SUSD1: variants seen among roughly 807,000 people sequenced by gnomAD.
SUSD1 encodes the protein sushi domain-containing protein 1.
Under a neutral mutation model 86.9 loss-of-function variants are expected in SUSD1, and 65 were observed. That is an observed-to-expected ratio of 0.75 (90% CI 0.61 to 0.92). The LOEUF is 0.92. Ranked by LOEUF, SUSD1 falls within the 40% of genes least tolerant of loss-of-function variation. The pLI is 0.00. For missense variants in SUSD1, 850 were observed against 929.7 expected, an observed-to-expected ratio of 0.91 and a Z score of 1.11; for synonymous variants, 346 against 350.0, an observed-to-expected ratio of 0.99 and a Z score of 0.13.
At chr9:112,145,215 A>G (rs2131771067) in intron 3 of SUSD1, among the ~76,000 whole-genome samples, 1 of 152,150 alleles carries the variant, frequency 6.6e-6, no homozygotes, top group East Asian at 1.9e-4. Flanking sequence ...AGGAAGCAGC[A>G]TGATTGAAGA....
intron 1 of SUSD1, among the ~76,000 whole-genome samples, chr9:112,174,391 C>T (rs1013829444): frequency 6.6e-6 from 1 of 152,158 alleles, no homozygotes; most frequent in Non-Finnish European, 1.5e-5. Flanking sequence ...GGATGAATGT[C>T]ACCTCCCCTG....
chr9:112,164,890 G>A (rs946660288), intron 1 of SUSD1, among the ~76,000 whole-genome samples: 1 of 152,216 alleles, frequency 6.6e-6, no homozygotes, highest in African/African-American at 2.4e-5. Flanking sequence ...GTTGCAGTGA[G>A]CCGAGATTGC....
intron 8 of SUSD1, among the ~76,000 whole-genome samples, chr9:112,108,926 G>A (rs1180178554): frequency 1.3e-5 from 2 of 150,724 alleles, no homozygotes; most frequent in Non-Finnish European, 3.0e-5. Flanking sequence ...ATCCCTCGGG[G>A]AAAAAAAATA....
At chr9:112,131,518 T>C (rs1229673999) in intron 5 of SUSD1, among the ~76,000 whole-genome samples, 2 of 152,162 alleles carry the variant, frequency 1.3e-5, no homozygotes, top group Non-Finnish European at 2.9e-5. Context: ...TCACAGATAT[T>C]CCCAGCTACT....
At chr9:112,108,310 GAGAA>G (rs1160140925) in intron 8 of SUSD1, among the ~76,000 whole-genome samples, 16 of 152,122 alleles carry the variant, frequency 1.1e-4, no homozygotes, top group Admixed American at 7.2e-4. Context: ...ATCTGCAAGG[GAGAA>G]AGAAACATTA....
chr9:112,092,270 C>T (rs1190241869), intron 10 of SUSD1, among the ~76,000 whole-genome samples: 1 of 152,248 alleles, frequency 6.6e-6, no homozygotes, highest in Non-Finnish European at 1.5e-5. Flanking sequence ...TCTAATGCAT[C>T]TTTTCTGCCA....
intron 2 of SUSD1, among the ~76,000 whole-genome samples, chr9:112,150,613 T>TA (rs1833005253): frequency 6.6e-6 from 1 of 152,192 alleles, no homozygotes; most frequent in South Asian, 2.1e-4. Flanking sequence ...TCATAGGGTG[T>TA]ATTTACACAA....
chr9:112,058,794 T>C, intron 13 of SUSD1, 108 bp from the exon 14 acceptor site: 1 of 1,395,378 alleles, frequency 7.2e-7, no homozygotes, highest in Non-Finnish European at 9.5e-7. Flanking sequence ...TCTTTGTTTT[T>C]TTGTTTTTTG....
chr9:112,111,848 AG>A lies in SUSD1; in HGVS notation c.985-9del. The A allele has an allele frequency of 2.5e-6, 4 of 1,613,146 alleles. No homozygotes were observed. The highest frequency in any genetic ancestry group is 3.4e-6 in the Non-Finnish European group (4 of 1,179,622). On this transcript the variant is annotated splice_polypyrimidine_tract_variant and intron_variant, in intron 7 of 16. Coordinates refer to ENST00000374270, the MANE Select transcript of SUSD1 (RefSeq NM_022486.5). ...TTGTCCTTTTATGGATATCTTTGAG[AG>A]GAAAAGACAAGAGAACCCACTCTGA...
At chr9:112,052,995 G>A (rs1344502691) in intron 14 of SUSD1, among the ~76,000 whole-genome samples, 1 of 152,098 alleles carries the variant, frequency 6.6e-6, no homozygotes, top group Admixed American at 6.6e-5. Flanking sequence ...AGATTCAGTG[G>A]AATGAATATC....
At chr9:112,061,812 C>CT (rs78974539) in intron 13 of SUSD1, among the ~76,000 whole-genome samples, 378 of 146,158 alleles carry the variant, frequency 2.6e-3, no homozygotes, top group Middle Eastern at 0.021. Flanking sequence ...TAATATCTCA[C>CT]TTTTTTTTTT....
chr9:112,172,865 G>A (rs765951547), intron 1 of SUSD1, among the ~76,000 whole-genome samples: 92 of 152,082 alleles, frequency 6.0e-4, no homozygotes, highest in Admixed American at 1.0e-3. Context: ...TCCCTACATT[G>A]TCGACTGTCA....
intron 10 of SUSD1, among the ~76,000 whole-genome samples, chr9:112,080,509 G>A (rs1005193114): frequency 2.0e-5 from 3 of 152,014 alleles, no homozygotes; most frequent in African/African-American, 4.8e-5. Flanking sequence ...CCAACATAGC[G>A]AAACCCCATC....
chr9:112,112,667 C>T (rs1001008570), intron 7 of SUSD1, 104 bp downstream of exon 7: 5 of 714,054 alleles, frequency 7.0e-6, no homozygotes. Context: ...GAAAAAAAAA[C>T]AGCAATTAGA....
At chr9:112,158,573 G>T (rs1373706662) in intron 1 of SUSD1, among the ~76,000 whole-genome samples, 1 of 151,996 alleles carries the variant, frequency 6.6e-6, no homozygotes, top group South Asian at 2.1e-4. Flanking sequence ...TGTATTTTCT[G>T]TACAGATGGG....
rs758442726 is a variant in SUSD1 at position 112,170,710 on chromosome 9, T to TATAGAG, written c.103+4422_103+4423insCTCTAT. ...GCCAGATCATATATATATATATATA[T>TATAGAG]AGAGAGAGAGAGAGAGAGAGAGAGA... is the stretch of plus-strand genomic sequence containing the variant. On this transcript the variant is annotated intron_variant, in intron 1 of 16. Transcript: ENST00000374270. Among the ~76,000 whole-genome samples the TATAGAG allele has an allele frequency of 5.5e-4, 63 of 113,806 alleles. 1 individual carries two copies. The highest frequency in any genetic ancestry group is 1.9e-3 in the African/African-American group (51 of 26,318). 74.7% of individuals were successfully genotyped at this position (113,806 alleles called of 152,430 possible). A position where few individuals can be genotyped will look rare whatever the true frequency, so the allele number is the denominator to read the frequency against.
chr9:112,081,755 A>T (rs868480976), intron 10 of SUSD1, among the ~76,000 whole-genome samples: 1 of 152,222 alleles, frequency 6.6e-6, no homozygotes, highest in Non-Finnish European at 1.5e-5. Flanking sequence ...AAATATTAGC[A>T]CAAAGAAGTC....
At chr9:112,142,915 T>C (rs774679485) in intron 4 of SUSD1, among the ~76,000 whole-genome samples, 3 of 147,230 alleles carry the variant, frequency 2.0e-5, no homozygotes, top group African/African-American at 5.0e-5. Context: ...AATATCGGAA[T>C]ATCTATTAAC....
chr9:112,151,759 C>T (rs577846320), intron 2 of SUSD1, among the ~76,000 whole-genome samples: 13 of 151,648 alleles, frequency 8.6e-5, no homozygotes, highest in South Asian at 6.3e-4. Context: ...AAAATTAGGC[C>T]GGGTGCGGTG....
Sources: allele counts gnomAD v4.1 joint callset (sites outside exome capture counted in the v4.1 genomes callset), GRCh38; gene constraint gnomAD v4.1.1; transcripts MANE v1.5; gene names NCBI Gene and HGNC (gene_info 2026-07-23, HGNC 2026-07-21).